Variants in SDR42E2 observed in about 807,000 individuals in gnomAD.
SDR42E2 encodes short chain dehydrogenase/reductase family 42E, member 2.
Under a neutral mutation model 10.5 loss-of-function variants are expected in SDR42E2, and 20 were observed. The ratio of observed to expected loss-of-function variants is 1.90; its 90% CI spans 1.34 to 2.77. SDR42E2 has a LOEUF of 2.77. SDR42E2 is among the 30% of genes most tolerant of loss of function. SDR42E2 has a pLI of 0.00. For synonymous variants in SDR42E2, 72 were observed against 39.2 expected (o/e 1.84, Z -3.12); for missense variants, 162 against 104.2 (o/e 1.55, Z -2.42).
intron 11 of SDR42E2, among the ~76,000 whole-genome samples, chr16:22,184,510 G>A (rs548684476): frequency 6.6e-5 from 10 of 152,306 alleles, no homozygotes; most frequent in African/African-American, 2.4e-4. Flanking sequence ...GCTGAGGCAG[G>A]AGAATTGCTG....
intron 4 of SDR42E2, among the ~76,000 whole-genome samples, chr16:22,168,701 C>T (rs1314803267): frequency 6.6e-6 from 1 of 151,916 alleles, no homozygotes; most frequent in Non-Finnish European, 1.5e-5. Context: ...GATGAAACCC[C>T]ATCTCTACTA....
intron 7 of SDR42E2, among the ~76,000 whole-genome samples, chr16:22,173,068 C>G (rs1206621026): frequency 6.6e-6 from 1 of 152,140 alleles, no homozygotes; most frequent in East Asian, 1.9e-4. Context: ...GCATGAGCCA[C>G]CATGCCTGGC....
chr16:22,175,098 G>C (rs1361798153), intron 7 of SDR42E2, among the ~76,000 whole-genome samples: 1 of 152,150 alleles, frequency 6.6e-6, no homozygotes, highest in Admixed American at 6.6e-5. Context: ...CCCGTCTTCT[G>C]TCTCTGGGTG....
chr16:22,171,681 C>T (rs1183753050), intron 6 of SDR42E2, among the ~76,000 whole-genome samples: 1 of 152,038 alleles, frequency 6.6e-6, no homozygotes, highest in African/African-American at 2.4e-5. Flanking sequence ...TACAGTCGTG[C>T]GCCACCACGC....
chr16:22,172,397 T>C (rs1229046761), intron 7 of SDR42E2, 66 bp downstream of exon 7: 6 of 702,704 alleles, frequency 8.5e-6, no homozygotes, highest in East Asian at 5.4e-5. Context: ...CCAAAATACA[T>C]GTGTGATTCA....
At position 22,170,623 on chromosome 16, in the gene SDR42E2, C is replaced by T. The variant is rs186782904; in HGVS notation, c.395-210C>T. 8.5e-5 allele frequency among the ~76,000 whole-genome samples: 13 copies of T among 152,238 alleles called. No individual in the cohort carries two copies. The East Asian group carries it at 2.5e-3, about 29-fold the overall frequency. On this transcript the variant is annotated intron_variant, in intron 5 of 12. Transcript: ENST00000602312. ...GCCCACAGAGCAGGAACTTGACCTG[C>T]ACCCTAAGTTAAGGGCAGGAGACTC...
chr16:22,163,270 C>T (rs1274123543), intron 1 of SDR42E2, among the ~76,000 whole-genome samples: 1 of 152,182 alleles, frequency 6.6e-6, no homozygotes, highest in African/African-American at 2.4e-5. Context: ...AGAAAGTCAG[C>T]TCTGGTCCCA....
chr16:22,186,612 G>A (rs980712749), intron 11 of SDR42E2, 109 bp from the exon 12 acceptor site: 1 of 400,604 alleles, frequency 2.5e-6, no homozygotes, highest in African/African-American at 2.1e-5. Context: ...CTTCTGCAAA[G>A]TGACCTCTAG....
rs191786425 is a variant in SDR42E2, at chr16:22,166,415, C to A, written c.221C>A (p.Pro74Gln). The A allele has an allele frequency of 3.7e-5, 15 of 402,194 alleles. No individual in the cohort carries two copies. Among genetic ancestry groups the A allele is most frequent in the African/African-American group, 2.9e-4 (14 of 48,672 alleles). 24.9% of individuals were successfully genotyped at this position (402,194 alleles called of 1,614,324 possible). The stretch of plus-strand genomic sequence containing the variant: ...CGCAGACCCCAGTGGGAACTGTCCC[C>A]GGAAACCAAGTTCATCCAGGTACAA... ...DRRRPQWELS[P>Q]ETKFIQADVR... The change falls in exon 3 of 13, where the codon CCG (proline) becomes CAG (glutamine). Residue 74 changes from proline (P) to glutamine (Q), a missense_variant. Physicochemically the swap from Pro to Gln is moderately conservative, Grantham distance 76 (BLOSUM62 -1). Transcript: ENST00000602312.
At chr16:22,179,039 G>A (rs2046670202) in intron 8 of SDR42E2, among the ~76,000 whole-genome samples, 1 of 152,100 alleles carries the variant, frequency 6.6e-6, no homozygotes, top group Non-Finnish European at 1.5e-5. Context: ...TATCACCCAG[G>A]CAAGAGTGCA....
At position 22,178,285 on chromosome 16, in the gene SDR42E2, C is replaced by T; in HGVS notation, c.672+73C>T. 4.5e-6 allele frequency: 3 copies of T among 665,876 alleles called. No homozygotes were observed. In the South Asian group the frequency reaches 4.7e-5, roughly 11 times the overall value. 41.2% of individuals were successfully genotyped at this position (665,876 alleles called of 1,614,324 possible). A position where few individuals can be genotyped will look rare whatever the true frequency, so the allele number is the denominator to read the frequency against. On this transcript the variant is annotated intron_variant, in intron 8 of 12. Coordinates refer to ENST00000602312, the MANE Select transcript of SDR42E2 (RefSeq NM_001394319.2). ...TGAGGTGTACACTGGTCGGGCCCTC[C>T]CAGCCCCTGGTCGCTGCATCAGTCT...
chr16:22,186,899 T>C, intron 12 of SDR42E2, 105 bp downstream of exon 12: 1 of 317,522 alleles, frequency 3.1e-6, no homozygotes, highest in Non-Finnish European at 5.3e-6. Flanking sequence ...TTTGACACCA[T>C]GATGACACAT....
chr16:22,167,013 A>C lies in SDR42E2; in HGVS notation c.336+14A>C, dbSNP rs933502713. 2.9e-6 allele frequency: 2 copies of C among 701,716 alleles called. No individual in the cohort carries two copies. Among genetic ancestry groups the C allele is most frequent in the African/African-American group, 1.8e-5 (1 of 57,102 alleles). 43.5% of individuals were successfully genotyped at this position (701,716 alleles called of 1,614,324 possible). On this transcript the variant is annotated intron_variant, in intron 4 of 12. Coordinates refer to ENST00000602312, the MANE Select transcript of SDR42E2 (RefSeq NM_001394319.2). ...GGGGCTGAGAAGGTGGGCTCCTCAC[A>C]CACAACACCTGGAGTTAGACAGAGT...
rs1567247750 is a variant in SDR42E2, at chr16:22,190,449, C to G, written c.*56C>G. 1 of 400,296 alleles carries G rather than the reference C, an allele frequency of 2.5e-6. No individual in the cohort carries two copies. Among genetic ancestry groups the G allele is most frequent in the Non-Finnish European group, 4.4e-6 (1 of 226,708 alleles). The allele number at this position is 400,296 out of a possible 1,614,324, so 24.8% of individuals were successfully genotyped here. The stretch of plus-strand genomic sequence containing the variant: ...GCCCCGCTGCACCCTCGCCCACGCC[C>G]GGCTCCCTGGGCTTGTACCAGCCCC... On this transcript the variant is annotated 3_prime_UTR_variant, in exon 13 of 13. Coordinates refer to ENST00000602312, the MANE Select transcript of SDR42E2 (RefSeq NM_001394319.2).
intron 8 of SDR42E2, 39 bp from the exon 9 acceptor site, chr16:22,181,480 C>A: frequency 2.8e-6 from 2 of 702,694 alleles, no homozygotes; most frequent in South Asian, 1.5e-5. Context: ...AAAGCCACAC[C>A]GGACACAAGC....
At chr16:22,163,727 T>A (rs1407048338) in intron 1 of SDR42E2, among the ~76,000 whole-genome samples, 2 of 151,724 alleles carry the variant, frequency 1.3e-5, no homozygotes, top group Non-Finnish European at 2.9e-5. Flanking sequence ...AATAAAGCCA[T>A]GAGTGTTCGT....
At chr16:22,178,264 G>A (rs2046662353) in intron 8 of SDR42E2, 52 bp downstream of exon 8, 1 of 693,566 alleles carries the variant, frequency 1.4e-6, no homozygotes, top group Non-Finnish European at 2.6e-6. Flanking sequence ...CCTGGCTGAG[G>A]TGTACACTGG....
At chr16:22,183,739 A>T (rs138243121) in intron 10 of SDR42E2, among the ~76,000 whole-genome samples, 4 of 152,318 alleles carry the variant, frequency 2.6e-5, no homozygotes, top group African/African-American at 9.6e-5. Context: ...TAAATGCCTT[A>T]GAGTGTCTCT....
intron 10 of SDR42E2, among the ~76,000 whole-genome samples, chr16:22,183,500 G>A (rs181264821): frequency 6.6e-6 from 1 of 152,158 alleles, no homozygotes; most frequent in Non-Finnish European, 1.5e-5. Context: ...CTCCCCACAC[G>A]GCAGCCCGGG....
Sources: gnomAD v4.1 joint callset for allele counts (sites outside exome capture counted in the v4.1 genomes callset) on GRCh38, gnomAD v4.1.1 for gene constraint, MANE v1.5 for transcripts, NCBI Gene and HGNC (gene_info 2026-07-23, HGNC 2026-07-21) for gene names.